Variants in ZNF850 observed in about 807,000 individuals in gnomAD.
ZNF850 encodes zinc finger protein 850.
In ZNF850, 2 loss-of-function variants were observed where a neutral mutation model predicts 11.9. The ratio of observed to expected loss-of-function variants is 0.17; its 90% CI spans 0.07 to 0.53. ZNF850 has a LOEUF of 0.53. ZNF850 is among the 20% of genes least tolerant of loss of function. The probability of loss-of-function intolerance (pLI) is 0.94; values close to 1 mark genes in which losing one functional copy is unlikely to be tolerated. For synonymous variants in ZNF850, 381 were observed against 443.0 expected (o/e 0.86, Z 1.76); for missense variants, 1,014 against 1,316.4 (o/e 0.77, Z 3.55).
At chr19:36,759,740 T>C (rs2040507294) in intron 4 of ZNF850, among the ~76,000 whole-genome samples, 1 of 152,210 alleles carries the variant, frequency 6.6e-6, no homozygotes, top group South Asian at 2.1e-4. Context: ...AATTTTTTTG[T>C]AATGTTCTAT....
chr19:36,756,410 AC>A (rs2040486610), intron 4 of ZNF850, among the ~76,000 whole-genome samples: 1 of 152,126 alleles, frequency 6.6e-6, no homozygotes, highest in Non-Finnish European at 1.5e-5. Context: ...CCACATATTC[AC>A]CCATTCATAT....
chr19:36,750,605 A>G lies in ZNF850; in HGVS notation c.435T>C (p.Tyr145=), dbSNP rs767581840. ...ERYLEKAIMT[Y]ETTPTFCLQT... ...GTAGGCAGAAAGTTGGTGTTGTTTC[A>G]TAAGTCATTATTGCTTTTTCCAAAT... Residue 145 remains tyrosine (Y), a synonymous_variant, in exon 5 of 5, where the codon TAT becomes TAC. Coordinates refer to ENST00000591344, the MANE Select transcript of ZNF850 (RefSeq NM_001193552.2). The G allele has an allele frequency of 3.0e-5, 46 of 1,536,136 alleles. No homozygotes were observed. Among genetic ancestry groups the G allele is most frequent in the Non-Finnish European group, 3.7e-5 (43 of 1,146,916 alleles).
At position 36,750,461 on chromosome 19, in the gene ZNF850, A is replaced by G; in HGVS notation, c.579T>C (p.Gly193=). The G allele has an allele frequency of 2.6e-6, 4 of 1,536,458 alleles. No homozygotes were observed. The highest frequency in any genetic ancestry group is 1.7e-4 in the Middle Eastern group (1 of 5,990). ...ELTQQQETHT[G]EKLYKCKECG... ...ACTCCTTACATTTATAGAGTTTTTC[A>G]CCAGTATGGGTTTCTTGCTGTTGTG... Residue 193 remains glycine, a synonymous_variant, in exon 5 of 5, where the codon GGT becomes GGC. Transcript: ENST00000591344.
Position 36,749,161 on chromosome 19 carries a change from T to C in ZNF850, c.1879A>G (p.Arg627Gly). ...TGTTGAGTAAGTCGTAAACGAAGTCTAAAGGCCTTCCCACATTCCTTACAA... is the reference window on the plus strand; with the variant it reads ...TGTTGAGTAAGTCGTAAACGAAGTCCAAAGGCCTTCCCACATTCCTTACAA... ...YDCKECGKAF[R>G]LRLRLTQHQQ... The change falls in exon 5 of 5, where the codon AGA becomes GGA. Residue 627 changes from arginine to glycine, a missense_variant. By Grantham distance (125) the Arg-to-Gly change is moderately radical. This residue lies in a region of ZNF850 where 835 missense variants were observed against 1,022.0 expected (regional missense o/e 0.82). Coordinates refer to ENST00000591344, the MANE Select transcript of ZNF850 (RefSeq NM_001193552.2). The C allele has an allele frequency of 6.2e-7, 1 of 1,605,852 alleles. No individual in the cohort carries two copies. The highest frequency in any genetic ancestry group is 2.2e-5 in the East Asian group (1 of 44,634).
intron 4 of ZNF850, among the ~76,000 whole-genome samples, chr19:36,755,927 T>A (rs987282641): frequency 3.0e-4 from 32 of 108,404 alleles, no homozygotes; most frequent in African/African-American, 7.4e-4. Context: ...TTTTTTTTTT[T>A]ATGGAGTCTC....
Position 36,750,579 on chromosome 19 carries a change from T to C in ZNF850, c.461A>G (p.Gln154Arg), listed in dbSNP as rs764307235. 8.1e-5 allele frequency: 125 copies of C among 1,536,204 alleles called. 2 individuals carry two copies. The South Asian group carries it at 1.4e-3, about 18-fold the overall frequency. Residue 154 changes from glutamine to arginine, a missense_variant, in exon 5 of 5, where the codon CAG becomes CGG. Coordinates refer to ENST00000591344, the MANE Select transcript of ZNF850 (RefSeq NM_001193552.2). ...TYETTPTFCL[Q>R]TSLTLHHRIH... ...CCGATGATGCAGAGTGAGAGATGTC[T>C]GTAGGCAGAAAGTTGGTGTTGTTTC... is the stretch of plus-strand genomic sequence containing the variant.
At chr19:36,770,598 C>T (rs1323941912) in intron 1 of ZNF850, among the ~76,000 whole-genome samples, 1 of 148,780 alleles carries the variant, frequency 6.7e-6, no homozygotes, top group Non-Finnish European at 1.5e-5. Flanking sequence ...TCCAGCTACT[C>T]GGGAGGCTGC....
intron 1 of ZNF850, among the ~76,000 whole-genome samples, chr19:36,768,077 A>G (rs1296672569): frequency 6.6e-6 from 1 of 152,150 alleles, no homozygotes; most frequent in Non-Finnish European, 1.5e-5. Context: ...CCTGGGAAAT[A>G]TAGGGAGACC....
At chr19:36,759,722 T>TA (rs980782758) in intron 4 of ZNF850, among the ~76,000 whole-genome samples, 5 of 151,968 alleles carry the variant, frequency 3.3e-5, no homozygotes, top group African/African-American at 1.2e-4. Flanking sequence ...AGTTAATAAT[T>TA]AAAAAAAAAT....
At chr19:36,759,431 T>G (rs1466431653) in intron 4 of ZNF850, among the ~76,000 whole-genome samples, 1 of 152,122 alleles carries the variant, frequency 6.6e-6, no homozygotes. Context: ...GCTGTGATTG[T>G]GCCACCGTAC....
At chr19:36,768,827 G>A (rs1225773851) in intron 1 of ZNF850, among the ~76,000 whole-genome samples, 1 of 151,958 alleles carries the variant, frequency 6.6e-6, no homozygotes, top group Non-Finnish European at 1.5e-5. Context: ...GCCCAGCATG[G>A]TGCCATATGC....
chr19:36,756,110 T>A (rs1461495786), intron 4 of ZNF850, among the ~76,000 whole-genome samples: 2 of 152,004 alleles, frequency 1.3e-5, no homozygotes, highest in African/African-American at 4.8e-5. Context: ...TTTACCATGT[T>A]GGCCAGGATA....
chr19:36,750,471 G>A lies in ZNF850; in HGVS notation c.569C>T (p.Thr190Ile), dbSNP rs867987620. Reference protein sequence around the residue: ...YGSELTQQQETHTGEKLYKCK... With the variant: ...YGSELTQQQEIHTGEKLYKCK... ...TTTATAGAGTTTTTCACCAGTATGG[G>A]TTTCTTGCTGTTGTGTAAGTTCTGA... Residue 190 changes from threonine (T) to isoleucine (I), a missense_variant, in exon 5 of 5, where the codon ACC (threonine) becomes ATC (isoleucine). By Grantham distance (89) the Thr-to-Ile change is moderately conservative. Around this residue, in one of 2 missense-constraint regions of ZNF850, gnomAD observed 835 missense variants for 1,022.0 expected, o/e 0.82. Transcript: ENST00000591344. 2 of 1,536,286 alleles carry A rather than the reference G, an allele frequency of 1.3e-6. No individual in the cohort carries two copies. Among genetic ancestry groups the A allele is most frequent in the African/African-American group, 1.4e-5 (1 of 73,126 alleles).
rs766721795 is a variant in ZNF850, at chr19:36,747,950, G to C, written c.3090C>G (p.Ile1030Met). 1 of 1,572,846 alleles carries C rather than the reference G, an allele frequency of 6.4e-7. No individual in the cohort carries two copies. Residue 1030 changes from isoleucine (I) to methionine (M), a missense_variant, in exon 5 of 5, where the codon ATC becomes ATG. By Grantham distance (10) the Ile-to-Met change is conservative (BLOSUM62 1). This residue lies in a region of ZNF850 where 179 missense variants were observed against 294.4 expected (regional missense o/e 0.61). Coordinates refer to ENST00000591344, the MANE Select transcript of ZNF850 (RefSeq NM_001193552.2). The stretch of plus-strand genomic sequence containing the variant: ...ATTGATAAGTTTTCTCACCAGTATG[G>C]ATTCGTTTATGTTGACTAAGTTGTG... ...CPSQLSQHKR[I>M]HTGEKTYQCP...
intron 4 of ZNF850, among the ~76,000 whole-genome samples, chr19:36,754,628 T>G (rs2040474256): frequency 6.6e-6 from 1 of 152,108 alleles, no homozygotes; most frequent in South Asian, 2.1e-4. Flanking sequence ...CGATCTCAGC[T>G]CACTGCAACC....
At chr19:36,770,293 C>T (rs931868144) in intron 1 of ZNF850, among the ~76,000 whole-genome samples, 1 of 152,200 alleles carries the variant, frequency 6.6e-6, no homozygotes, top group Non-Finnish European at 1.5e-5. Flanking sequence ...TCAGTCCCCT[C>T]CACTCCCCAG....
intron 4 of ZNF850, among the ~76,000 whole-genome samples, chr19:36,756,132 C>CACAAGG (rs2040485243): frequency 6.6e-6 from 1 of 151,954 alleles, no homozygotes; most frequent in Non-Finnish European, 1.5e-5. Context: ...TCTCAATCTC[C>CACAAGG]TGACCTTGTG....
In ZNF850 at chr19:36,745,740, C is replaced by T. The variant is rs2040408320; in HGVS notation, c.*2027G>A. 6.6e-6 allele frequency: 1 copy of T among 151,950 alleles called. No homozygotes were observed. The highest frequency in any genetic ancestry group is 6.6e-5 in the Admixed American group (1 of 15,244). 9.4% of individuals were successfully genotyped at this position (151,950 alleles called of 1,614,324 possible). A position where few individuals can be genotyped will look rare whatever the true frequency, so the allele number is the denominator to read the frequency against. On this transcript the variant is annotated 3_prime_UTR_variant, in exon 5 of 5. Transcript: ENST00000591344. ...AGGTGCAGTGGCTCATGATTGTAATCCCAGCACTTTGAGAGGACAAGGTGG... is the reference window on the plus strand; with the variant it reads ...AGGTGCAGTGGCTCATGATTGTAATTCCAGCACTTTGAGAGGACAAGGTGG...
At position 36,761,577 on chromosome 19, in the gene ZNF850, G is replaced by A. The variant is rs1350594610; in HGVS notation, c.235+66C>T. The A allele has an allele frequency of 4.5e-6, 4 of 892,216 alleles. No homozygotes were observed. The African/African-American group carries it at 4.9e-5, about 11-fold the overall frequency. 55.3% of individuals were successfully genotyped at this position (892,216 alleles called of 1,614,324 possible). ...ACTCCTCAACCAATACCTGTACGGT[G>A]CTGCCTCCCTGACAGGCTGGCTTCT... On this transcript the variant is annotated intron_variant, in intron 4 of 4. Coordinates refer to ENST00000591344, the MANE Select transcript of ZNF850 (RefSeq NM_001193552.2).
Sources: allele counts gnomAD v4.1 joint callset (sites outside exome capture counted in the v4.1 genomes callset), GRCh38; gene constraint gnomAD v4.1.1; regional missense constraint gnomAD v4.1.1; transcripts MANE v1.5; gene names NCBI Gene and HGNC (gene_info 2026-07-23, HGNC 2026-07-21).